Variants in FILIP1 observed in about 807,000 individuals in gnomAD.
FILIP1 encodes the protein filamin-A-interacting protein 1.
FILIP1 carries 61 observed loss-of-function variants against 102.1 expected under a neutral mutation model. That is an observed-to-expected ratio of 0.60 (90% CI 0.49 to 0.74). The LOEUF is 0.74. Ranked by LOEUF, FILIP1 falls within the 30% of genes least tolerant of loss-of-function variation. FILIP1 has a pLI of 0.00. For synonymous variants in FILIP1, 491 were observed against 526.9 expected (o/e 0.93, Z 0.93); for missense variants, 1,314 against 1,441.2 (o/e 0.91, Z 1.43).
At chr6:75,434,495 A>G (rs145189993) in intron 1 of FILIP1, among the ~76,000 whole-genome samples, 91 of 152,060 alleles carry the variant, frequency 6.0e-4, no homozygotes, top group African/African-American at 1.8e-3. Flanking sequence ...CTGTTTGTCT[A>G]TTATTGGTGT....
At chr6:75,301,111 T>G (rs1430160073) in intron 6 of FILIP1, among the ~76,000 whole-genome samples, 1 of 152,326 alleles carries the variant, frequency 6.6e-6, no homozygotes, top group East Asian at 1.9e-4. Flanking sequence ...TCTAAGTCTA[T>G]GGCTAGTCAC....
At chr6:75,345,244 T>C (rs1014755973) in intron 4 of FILIP1, among the ~76,000 whole-genome samples, 9 of 152,286 alleles carry the variant, frequency 5.9e-5, no homozygotes, top group Middle Eastern at 3.4e-3. Flanking sequence ...TATTATCTCA[T>C]CCTTTTGTAC....
At chr6:75,320,565 A>G (rs1251788679) in intron 4 of FILIP1, among the ~76,000 whole-genome samples, 2 of 152,204 alleles carry the variant, frequency 1.3e-5, no homozygotes, top group Non-Finnish European at 2.9e-5. Context: ...CAAAAGAACA[A>G]GACCCTATCT....
At chr6:75,321,312 T>C (rs1246533015) in intron 4 of FILIP1, among the ~76,000 whole-genome samples, 2 of 152,146 alleles carry the variant, frequency 1.3e-5, no homozygotes, top group Non-Finnish European at 2.9e-5. Context: ...AGTACACCCT[T>C]GGGTCTATTG....
chr6:75,441,877 G>T lies in FILIP1; in HGVS notation c.-6-26899C>A, dbSNP rs868169889. Among the ~76,000 whole-genome samples, 426 of 148,178 alleles carry T rather than the reference G, an allele frequency of 2.9e-3. 3 individuals are homozygous for T. Among genetic ancestry groups the T allele is most frequent in the African/African-American group, 0.01 (400 of 39,706 alleles). On this transcript the variant is annotated intron_variant, in intron 1 of 5. Coordinates refer to ENST00000237172, the MANE Select transcript of FILIP1 (RefSeq NM_015687.5). Reference sequence around the variant, plus strand: ...CCTCCCGGACGGGGCAGCTGGCCGGGCGGGGGGTAGACCCCCCCACCTCCC... The same window carrying T: ...CCTCCCGGACGGGGCAGCTGGCCGGTCGGGGGGTAGACCCCCCCACCTCCC...
intron 1 of FILIP1, among the ~76,000 whole-genome samples, chr6:75,451,981 C>T (rs972660917): frequency 1.2e-4 from 18 of 152,050 alleles, no homozygotes; most frequent in East Asian, 3.9e-4. Context: ...TTAAATAATC[C>T]GACCAGTTGT....
intron 3 of FILIP1, chr6:75,360,602 T>A (rs1775144386): frequency 6.6e-6 from 1 of 152,262 alleles, no homozygotes; most frequent in South Asian, 2.1e-4. Context: ...AACTTTGATA[T>A]TCCAGACTTT....
intron 1 of FILIP1, among the ~76,000 whole-genome samples, chr6:75,462,195 T>C (rs976189571): frequency 1.3e-5 from 2 of 152,182 alleles, no homozygotes; most frequent in African/African-American, 4.8e-5. Flanking sequence ...CAGCTCCAGA[T>C]AGATCACAAT....
intron 2 of FILIP1, among the ~76,000 whole-genome samples, chr6:75,406,246 G>A (rs1053246803): frequency 2.0e-5 from 3 of 151,934 alleles, no homozygotes; most frequent in Non-Finnish European, 4.4e-5. Flanking sequence ...TCTGTAAATG[G>A]AGGTGTCGTT....
intron 2 of FILIP1, among the ~76,000 whole-genome samples, chr6:75,369,174 A>C (rs957842042): frequency 6.6e-6 from 1 of 152,218 alleles, no homozygotes; most frequent in African/African-American, 2.4e-5. Context: ...TGCACCAAAG[A>C]ATCATGGTCA....
chr6:75,400,680 G>GC (rs1222394063), intron 2 of FILIP1, among the ~76,000 whole-genome samples: 2 of 152,010 alleles, frequency 1.3e-5, no homozygotes, highest in Non-Finnish European at 2.9e-5. Context: ...AAGTTTCCAG[G>GC]CCCCCCAACA....
intron 2 of FILIP1, among the ~76,000 whole-genome samples, chr6:75,366,392 C>A (rs1022666426): frequency 6.6e-6 from 1 of 152,118 alleles, no homozygotes; most frequent in Non-Finnish European, 1.5e-5. Context: ...AGCTATCAAG[C>A]AAATATGAAT....
intron 2 of FILIP1, chr6:75,386,144 T>C (rs1450817764): frequency 1.3e-5 from 2 of 152,186 alleles, no homozygotes; most frequent in Non-Finnish European, 2.9e-5. Flanking sequence ...TTTCAGACAA[T>C]GATATGCATT....
intron 1 of FILIP1, among the ~76,000 whole-genome samples, chr6:75,484,557 TTGGG>T (rs1156449619): frequency 6.6e-6 from 1 of 152,180 alleles, no homozygotes; most frequent in Non-Finnish European, 1.5e-5. Context: ...AGACCAATAC[TTGGG>T]CACCCTCTCA....
chr6:75,442,759 A>AGAGGGG (rs1582515696), intron 1 of FILIP1, among the ~76,000 whole-genome samples: 2 of 146,738 alleles, frequency 1.4e-5, no homozygotes, highest in South Asian at 2.4e-4. Flanking sequence ...AGGGAGAGGG[A>AGAGGGG]GAGGGGGAGG....
chr6:75,316,673 G>T (rs1357544311), intron 4 of FILIP1, among the ~76,000 whole-genome samples: 1 of 152,070 alleles, frequency 6.6e-6, no homozygotes. Flanking sequence ...AAGCATGATT[G>T]TGTCTCAGCA....
At chr6:75,382,830 A>G (rs1257591293) in intron 2 of FILIP1, among the ~76,000 whole-genome samples, 1 of 152,232 alleles carries the variant, frequency 6.6e-6, no homozygotes, top group Admixed American at 6.5e-5. Flanking sequence ...ATCTGCAGGC[A>G]GAAAAATGAG....
At chr6:75,468,828 A>G (rs1779248370) in intron 1 of FILIP1, among the ~76,000 whole-genome samples, 1 of 152,124 alleles carries the variant, frequency 6.6e-6, no homozygotes, top group Non-Finnish European at 1.5e-5. Context: ...GGAAACAAAT[A>G]CTAAAATCTT....
At chr6:75,462,379 G>C (rs1582545076) in intron 1 of FILIP1, among the ~76,000 whole-genome samples, 2 of 152,028 alleles carry the variant, frequency 1.3e-5, no homozygotes, top group East Asian at 3.9e-4. Context: ...GAATTGCAGC[G>C]GAGAGGCTGC....
Sources: allele counts gnomAD v4.1 joint callset (sites outside exome capture counted in the v4.1 genomes callset), GRCh38; gene constraint gnomAD v4.1.1; transcripts MANE v1.5; gene names NCBI Gene and HGNC (gene_info 2026-07-23, HGNC 2026-07-21).